NR4A3: variants seen among roughly 807,000 people sequenced by gnomAD.
NR4A3 encodes chondrosarcoma, extraskeletal myxoid, fused to EWS.
NR4A3 carries 13 observed loss-of-function variants against 55.6 expected under a neutral mutation model. That is an observed-to-expected ratio of 0.23 (90% CI 0.15 to 0.37). NR4A3 has a LOEUF of 0.37. NR4A3 is among the 10% of genes least tolerant of loss of function. The pLI, the probability that NR4A3 is intolerant of heterozygous loss-of-function variation, is 1.00. For missense variants in NR4A3, 646 were observed against 822.8 expected, an observed-to-expected ratio of 0.79 and a Z score of 2.63; for synonymous variants, 342 against 357.9, an observed-to-expected ratio of 0.96 and a Z score of 0.50.
At chr9:99,832,918 T>G in intron 4 of NR4A3, 100 bp downstream of exon 4, 1 of 1,034,362 alleles carries the variant, frequency 9.7e-7, no homozygotes, top group South Asian at 2.3e-5. Context: ...TTTTTCTAGT[T>G]CCTTTTTCCT....
intron 7 of NR4A3, 33 bp from the exon 8 acceptor site, chr9:99,863,587 C>T: frequency 6.3e-7 from 1 of 1,597,674 alleles, no homozygotes; most frequent in Non-Finnish European, 8.5e-7. Flanking sequence ...TATTTGCCTC[C>T]TAAACTTCTT....
chr9:99,830,826 A>G (rs980403939), intron 3 of NR4A3, among the ~76,000 whole-genome samples: 5 of 152,276 alleles, frequency 3.3e-5, no homozygotes, highest in African/African-American at 1.2e-4. Flanking sequence ...TAATCTACAA[A>G]TATAATTATC....
chr9:99,858,673 A>G (rs1827965654), intron 7 of NR4A3, among the ~76,000 whole-genome samples: 1 of 152,254 alleles, frequency 6.6e-6, no homozygotes. Flanking sequence ...ACATCTTGTT[A>G]TAAGAGAAAT....
At chr9:99,829,033 C>G in intron 3 of NR4A3, 40 bp downstream of exon 3, 2 of 1,305,934 alleles carry the variant, frequency 1.5e-6, no homozygotes, top group Non-Finnish European at 1.9e-6. Context: ...ACCCAGCCCC[C>G]TCACTGAAGG....
In NR4A3 at chr9:99,833,839, T is replaced by C. The variant is rs914208597; in HGVS notation, c.1254+385T>C. 3.7e-5 allele frequency: 47 copies of C among 1,281,740 alleles called. No individual in the cohort carries two copies. The African/African-American group carries it at 3.9e-4, about 11-fold the overall frequency. The allele number at this position is 1,281,740 out of a possible 1,614,324, so 79.4% of individuals were successfully genotyped here. On this transcript the variant is annotated intron_variant, in intron 5 of 7. Transcript: ENST00000395097. ...AACCATCTGGGTGAGCCTCAAGTTA[T>C]TACTAAGCAGTTTATCCAATTGCAT...
chr9:99,843,341 C>G (rs1817603002), intron 5 of NR4A3, among the ~76,000 whole-genome samples: 1 of 152,186 alleles, frequency 6.6e-6, no homozygotes, highest in Non-Finnish European at 1.5e-5. Flanking sequence ...GCCACAAGTC[C>G]TGAGTCTGAT....
intron 7 of NR4A3, among the ~76,000 whole-genome samples, chr9:99,851,606 G>A (rs946895136): frequency 4.6e-5 from 7 of 151,964 alleles, no homozygotes; most frequent in African/African-American, 1.5e-4. Context: ...AAAACTAGGC[G>A]GTGAAGTGGG....
chr9:99,847,675 A>T, intron 7 of NR4A3, 60 bp downstream of exon 7: 8 of 1,543,346 alleles, frequency 5.2e-6, no homozygotes, highest in Non-Finnish European at 6.2e-6. Flanking sequence ...GTTATGGTGG[A>T]ATCTGGCCTT....
chr9:99,856,570 A>G (rs1827931794), intron 7 of NR4A3, among the ~76,000 whole-genome samples: 1 of 152,228 alleles, frequency 6.6e-6, no homozygotes, highest in Non-Finnish European at 1.5e-5. Context: ...CAATGTAAGA[A>G]AAACTTTCAC....
At chr9:99,832,473 T>G (rs1468901543) in intron 3 of NR4A3, among the ~76,000 whole-genome samples, 2 of 152,360 alleles carry the variant, frequency 1.3e-5, no homozygotes, top group East Asian at 3.9e-4. Context: ...GGGTGTCTCC[T>G]GAGACTTGCT....
intron 5 of NR4A3, among the ~76,000 whole-genome samples, chr9:99,842,704 TG>T (rs1252792202): frequency 1.3e-5 from 2 of 151,758 alleles, no homozygotes; most frequent in African/African-American, 4.8e-5. Flanking sequence ...CACCCCAGCC[TG>T]GGCGACAGAG....
rs538379255 is a variant in NR4A3, at chr9:99,822,745, T to TCGGCGG, written c.-177+355_-177+360dup. ...TCTAGTTGTCATGGTAATGATGCTC[T>TCGGCGG]CGGCGGCGGCGGCGGCGGCGGCAGC... On this transcript the variant is annotated intron_variant, in intron 1 of 7. Transcript: ENST00000395097. The surrounding 1 kb of genome is among the most constrained non-coding windows in gnomAD (Gnocchi z 4.9). Among the ~76,000 whole-genome samples, 54 of 152,084 alleles carry TCGGCGG rather than the reference T, an allele frequency of 3.6e-4. No homozygotes were observed. The highest frequency in any genetic ancestry group is 9.6e-4 in the African/African-American group (40 of 41,494).
intron 7 of NR4A3, among the ~76,000 whole-genome samples, chr9:99,862,214 T>C (rs7024419): frequency 0.53 from 81,163 of 151,754 alleles, 22,269 homozygotes; most frequent in Middle Eastern, 0.61. Flanking sequence ...GAGAAGAAAA[T>C]TTCGAGATAA....
intron 5 of NR4A3, chr9:99,835,015 T>C (rs1827531338): frequency 1.4e-6 from 1 of 729,440 alleles, no homozygotes; most frequent in African/African-American, 1.9e-5. Flanking sequence ...CTAAGTGACC[T>C]TGAGCAACTG....
Position 99,828,097 on chromosome 9 carries a change from G to T in NR4A3, c.55G>T (p.Ala19Ser). ...TTCCCCTCCAGGTTCCAGTTATGCG[G>T]CGCAGACATACAGCTCGGAATACAC... ...SPSPPGSSYA[A>S]QTYSSEYTTE... The change falls in exon 3 of 8, where the codon GCG becomes TCG. Residue 19 changes from alanine to serine, a missense_variant. Around this residue, in one of 5 missense-constraint regions of NR4A3, gnomAD observed 426 missense variants for 429.4 expected, o/e 0.99. Transcript: ENST00000395097. This position sits in a 1 kb window ranked among gnomAD's most constrained non-coding sequence, Gnocchi z 7.7. 1 of 1,614,078 alleles carries T rather than the reference G, an allele frequency of 6.2e-7. No individual in the cohort carries two copies. Among genetic ancestry groups the T allele is most frequent in the Middle Eastern group, 1.6e-4 (1 of 6,062 alleles).
intron 7 of NR4A3, 121 bp downstream of exon 7, chr9:99,847,736 A>G: frequency 1.1e-6 from 1 of 940,132 alleles, no homozygotes; most frequent in Non-Finnish European, 1.6e-6. Flanking sequence ...TTTTTCTGAA[A>G]TCTGTTAAGT....
At chr9:99,845,376 C>G (rs1827735875) in intron 6 of NR4A3, among the ~76,000 whole-genome samples, 1 of 152,148 alleles carries the variant, frequency 6.6e-6, no homozygotes, top group Non-Finnish European at 1.5e-5. Flanking sequence ...TTTAGTCCAT[C>G]CTATCATACT....
At chr9:99,834,989 C>G in intron 5 of NR4A3, 1 of 931,526 alleles carries the variant, frequency 1.1e-6, no homozygotes, top group Non-Finnish European at 1.3e-6. Flanking sequence ...AAAATCCCAA[C>G]ACTGTCCTTT....
chr9:99,865,546 C>T lies in NR4A3; in HGVS notation c.*1679C>T, dbSNP rs528859655. 10 of 185,036 alleles carry T rather than the reference C, an allele frequency of 5.4e-5. No individual in the cohort carries two copies. The South Asian group carries it at 1.9e-3, about 36-fold the overall frequency. The allele number at this position is 185,036 out of a possible 1,614,324, so 11.5% of individuals were successfully genotyped here. A position where few individuals can be genotyped will look rare whatever the true frequency, so the allele number is the denominator to read the frequency against. On this transcript the variant is annotated 3_prime_UTR_variant, in exon 8 of 8. Coordinates refer to ENST00000395097, the MANE Select transcript of NR4A3 (RefSeq NM_006981.4). The surrounding 1 kb of genome is among the most constrained non-coding windows in gnomAD (Gnocchi z 4.3). The stretch of plus-strand genomic sequence containing the variant: ...TTATATTATATACTCTGTATCAAGT[C>T]AAAATATCTTTGGCCATTTTGCTAA...
Sources: allele counts gnomAD v4.1 joint callset (sites outside exome capture counted in the v4.1 genomes callset), GRCh38; gene constraint gnomAD v4.1.1; regional missense constraint gnomAD v4.1.1; non-coding constraint Gnocchi (gnomAD v3.1); transcripts MANE v1.5; gene names NCBI Gene and HGNC (gene_info 2026-07-23, HGNC 2026-07-21).